The following LRRC4C variants were observed in gnomAD, a reference collection of about 807,000 sequenced individuals.
LRRC4C encodes the protein leucine-rich repeat-containing protein 4C.
A neutral mutation model predicts 33.6 loss-of-function variants in LRRC4C; 5 were observed. The ratio of observed to expected loss-of-function variants is 0.15; its 90% CI spans 0.08 to 0.31. The LOEUF (loss-of-function observed/expected upper bound fraction) is 0.31, where lower values mean the gene tolerates loss of function less well. Ranked by LOEUF, LRRC4C falls within the 10% of genes least tolerant of loss-of-function variation. The pLI is 1.00. For synonymous variants in LRRC4C, 329 were observed against 302.0 expected, an observed-to-expected ratio of 1.09 and a Z score of -0.93; for missense variants, 560 against 796.7, an observed-to-expected ratio of 0.70 and a Z score of 3.58.
At chr11:40,452,507 T>C (rs956995855) in intron 3 of LRRC4C, among the ~76,000 whole-genome samples, 20 of 152,142 alleles carry the variant, frequency 1.3e-4, no homozygotes, top group Middle Eastern at 3.4e-3. Context: ...GTTAGAATGG[T>C]GATCATTAAA....
At chr11:40,187,746 A>AGGTTG (rs1861520021) in intron 5 of LRRC4C, among the ~76,000 whole-genome samples, 1 of 152,154 alleles carries the variant, frequency 6.6e-6, no homozygotes, top group South Asian at 2.1e-4. Context: ...CTCCATCACT[A>AGGTTG]GGTTGGGTAG....
At chr11:40,297,146 G>A (rs1944553099) in intron 4 of LRRC4C, among the ~76,000 whole-genome samples, 1 of 152,114 alleles carries the variant, frequency 6.6e-6, no homozygotes, top group Non-Finnish European at 1.5e-5. Context: ...CAGTAACTTT[G>A]CTTAAAAATA....
chr11:40,287,475 G>A (rs564453559), intron 4 of LRRC4C, among the ~76,000 whole-genome samples: 124 of 152,204 alleles, frequency 8.1e-4, no homozygotes, highest in Non-Finnish European at 1.4e-3. Flanking sequence ...TTTATTGCAT[G>A]CATACTACTT....
chr11:40,841,611 T>C (rs1300445343), intron 2 of LRRC4C, among the ~76,000 whole-genome samples: 1 of 152,192 alleles, frequency 6.6e-6, no homozygotes, highest in African/African-American at 2.4e-5. Flanking sequence ...CACCAGAAAC[T>C]GAATCTGCTG....
chr11:40,765,060 C>T (rs572576297), intron 2 of LRRC4C, among the ~76,000 whole-genome samples: 86 of 152,100 alleles, frequency 5.7e-4, no homozygotes, highest in Non-Finnish European at 1.1e-3. Context: ...GCAAGACCAT[C>T]CAGGAAAACA....
chr11:41,200,482 T>C (rs1946360615), intron 1 of LRRC4C, among the ~76,000 whole-genome samples: 1 of 152,202 alleles, frequency 6.6e-6, no homozygotes, highest in African/African-American at 2.4e-5. Flanking sequence ...AGACTTGTTC[T>C]TCTCCAGAAA....
chr11:40,975,629 C>T (rs1370206288), intron 1 of LRRC4C, among the ~76,000 whole-genome samples: 34 of 152,182 alleles, frequency 2.2e-4, no homozygotes, highest in Admixed American at 2.2e-3. Context: ...AGAATAATAA[C>T]AAAGTCCAAT....
intron 3 of LRRC4C, among the ~76,000 whole-genome samples, chr11:40,617,510 GTC>G (rs775850747): frequency 4.6e-5 from 7 of 151,578 alleles, no homozygotes; most frequent in Non-Finnish European, 1.0e-4. Context: ...TCTGAGCCTA[GTC>G]CCTTACTTCA....
intron 1 of LRRC4C, among the ~76,000 whole-genome samples, chr11:41,407,997 T>C (rs1954306676): frequency 6.6e-6 from 1 of 152,160 alleles, no homozygotes; most frequent in African/African-American, 2.4e-5. Flanking sequence ...GAGAAGCTAA[T>C]ATAGACCCTG....
At chr11:40,772,128 G>C (rs1452576215) in intron 2 of LRRC4C, among the ~76,000 whole-genome samples, 2 of 152,140 alleles carry the variant, frequency 1.3e-5, no homozygotes, top group African/African-American at 2.4e-5. Flanking sequence ...GAAGGAAGAG[G>C]CTTAATTAAC....
At chr11:41,110,549 C>A (rs1433223636) in intron 1 of LRRC4C, among the ~76,000 whole-genome samples, 1 of 152,104 alleles carries the variant, frequency 6.6e-6, no homozygotes, top group East Asian at 1.9e-4. Flanking sequence ...TTTACCATCG[C>A]AGGCATACAT....
intron 3 of LRRC4C, among the ~76,000 whole-genome samples, chr11:40,326,756 T>A (rs777782164): frequency 3.9e-5 from 6 of 152,134 alleles, no homozygotes; most frequent in Non-Finnish European, 5.9e-5. Context: ...CCTGTCAGTA[T>A]TGTTGGATTT....
chr11:41,133,486 G>A (rs1164650913), intron 1 of LRRC4C, among the ~76,000 whole-genome samples: 25 of 80,808 alleles, frequency 3.1e-4, no homozygotes, highest in Non-Finnish European at 5.2e-4. Flanking sequence ...TCCCCCCCCC[G>A]CCCCCGCCAA....
chr11:40,913,645 A>G (rs1293530396), intron 2 of LRRC4C, among the ~76,000 whole-genome samples: 1 of 152,200 alleles, frequency 6.6e-6, no homozygotes, highest in Non-Finnish European at 1.5e-5. Context: ...GAACTTGAGA[A>G]GCAAGAGCGA....
chr11:40,191,193 T>C (rs551923161), intron 5 of LRRC4C, among the ~76,000 whole-genome samples: 23 of 152,228 alleles, frequency 1.5e-4, no homozygotes, highest in African/African-American at 5.5e-4. Context: ...TTAATGTGAC[T>C]CCAAGGCCAG....
chr11:41,049,912 G>A (rs528443939), intron 1 of LRRC4C, among the ~76,000 whole-genome samples: 13 of 152,226 alleles, frequency 8.5e-5, no homozygotes, highest in Admixed American at 7.2e-4. Context: ...GTACATAGGT[G>A]ACACTCAGTA....
intron 1 of LRRC4C, among the ~76,000 whole-genome samples, chr11:41,320,685 C>T (rs965976831): frequency 5.3e-5 from 8 of 152,188 alleles, no homozygotes; most frequent in Non-Finnish European, 1.5e-5. Context: ...GGAAAACACA[C>T]TCATTTATTA....
chr11:40,936,036 ATATATATATATATATATATATATATATAT>A (rs1565219237), intron 1 of LRRC4C, among the ~76,000 whole-genome samples: 19 of 59,842 alleles, frequency 3.2e-4, no homozygotes, highest in South Asian at 1.7e-3. Flanking sequence ...ATATATATAT[ATATATATATATATATATATATATATATAT>A]AACATAGTTT....
intron 1 of LRRC4C, among the ~76,000 whole-genome samples, chr11:41,210,120 A>G (rs1042963252): frequency 2.0e-5 from 3 of 152,194 alleles, no homozygotes; most frequent in Admixed American, 6.5e-5. Flanking sequence ...CTGTGAGAAT[A>G]TAAATAAATT....
Sources: gnomAD v4.1 joint callset for allele counts (sites outside exome capture counted in the v4.1 genomes callset) on GRCh38, gnomAD v4.1.1 for gene constraint, MANE v1.5 for transcripts, NCBI Gene and HGNC (gene_info 2026-07-23, HGNC 2026-07-21) for gene names.